NRXN3: variants seen among roughly 807,000 people sequenced by gnomAD.
The protein encoded by NRXN3 is neurexin III.
A neutral mutation model predicts 137.6 loss-of-function variants in NRXN3; 32 were observed. The observed-to-expected ratio is 0.23, with a 90% CI of 0.18 to 0.31. The LOEUF is 0.31. NRXN3 is among the 10% of genes least tolerant of loss of function. The pLI is 1.00. For synonymous variants in NRXN3, 798 were observed against 784.5 expected, an observed-to-expected ratio of 1.02 and a Z score of -0.29; for missense variants, 1,574 against 2,062.5, an observed-to-expected ratio of 0.76 and a Z score of 4.59.
chr14:79,244,462 G>A (rs147594728), intron 15 of NRXN3, among the ~76,000 whole-genome samples: 5 of 152,244 alleles, frequency 3.3e-5, no homozygotes, highest in Non-Finnish European at 5.9e-5. Context: ...ACGCGTGAAC[G>A]TTATTTATCT....
chr14:79,232,971 T>A (rs2072531274), intron 15 of NRXN3, among the ~76,000 whole-genome samples: 1 of 152,204 alleles, frequency 6.6e-6, no homozygotes, highest in Non-Finnish European at 1.5e-5. Flanking sequence ...AGACAGAGTC[T>A]AGTTAGATAA....
intron 8 of NRXN3, among the ~76,000 whole-genome samples, chr14:78,727,439 C>CT (rs2098490938): frequency 1.3e-5 from 2 of 152,108 alleles, no homozygotes; most frequent in Admixed American, 1.3e-4. Context: ...TTGTTAGTTT[C>CT]TTATCCTGTA....
intron 4 of NRXN3, among the ~76,000 whole-genome samples, chr14:78,637,784 C>A (rs1229006859): frequency 6.6e-6 from 1 of 152,184 alleles, no homozygotes; most frequent in African/African-American, 2.4e-5. Context: ...AGCAGGCATT[C>A]AAAATTTTTT....
intron 16 of NRXN3, among the ~76,000 whole-genome samples, chr14:79,614,175 T>C (rs1048941089): frequency 3.9e-5 from 6 of 152,240 alleles, no homozygotes; most frequent in African/African-American, 1.4e-4. Flanking sequence ...GCAGTTCAGC[T>C]CTGTGATGGT....
intron 16 of NRXN3, among the ~76,000 whole-genome samples, chr14:79,495,590 T>C: frequency 6.6e-6 from 1 of 152,194 alleles, no homozygotes; most frequent in South Asian, 2.1e-4. Flanking sequence ...TTATTACATG[T>C]CAGGCACTGT....
intron 15 of NRXN3, among the ~76,000 whole-genome samples, chr14:79,004,325 A>G (rs2099547780): frequency 6.6e-6 from 1 of 152,064 alleles, no homozygotes. Context: ...GGCTCACTGC[A>G]AACTCCACCT....
intron 4 of NRXN3, among the ~76,000 whole-genome samples, chr14:78,538,930 A>G (rs2153818108): frequency 6.6e-6 from 1 of 152,316 alleles, no homozygotes; most frequent in East Asian, 1.9e-4. Context: ...TGATTTGTGT[A>G]TCTTGAACCA....
At chr14:78,459,356 C>A (rs899441068) in intron 4 of NRXN3, among the ~76,000 whole-genome samples, 1 of 152,124 alleles carries the variant, frequency 6.6e-6, no homozygotes, top group African/African-American at 2.4e-5. Flanking sequence ...ATTGGCAGAG[C>A]AAATGAGGTC....
rs77415074 is a variant in NRXN3 at position 79,505,344 on chromosome 14, G to T, written c.3444+37942G>T. ...TATGGTTCCAGTTGGTGAGGGTTAG[G>T]GTTGTCATTCTGGGAGTTGGCCAGT... is the stretch of plus-strand genomic sequence containing the variant. On this transcript the variant is annotated intron_variant, in intron 16 of 20. Transcript: ENST00000335750. 9.6e-3 allele frequency among the ~76,000 whole-genome samples: 1,465 copies of T among 152,234 alleles called. 17 individuals are homozygous for T. Among genetic ancestry groups the T allele is most frequent in the African/African-American group, 0.034 (1,411 of 41,530 alleles).
intron 19 of NRXN3, 92 bp from the exon 20 acceptor site, chr14:79,805,020 A>G: frequency 1.2e-6 from 1 of 868,014 alleles, no homozygotes; most frequent in Non-Finnish European, 1.9e-6. Flanking sequence ...GGACACAGTG[A>G]TAAATCTTTG....
At chr14:78,532,184 G>C (rs941372320) in intron 4 of NRXN3, among the ~76,000 whole-genome samples, 1 of 151,100 alleles carries the variant, frequency 6.6e-6, no homozygotes, top group African/African-American at 2.4e-5. Context: ...GTGCGCGCGT[G>C]GTGGCACATG....
chr14:79,484,170 C>T (rs1276884293), intron 16 of NRXN3, among the ~76,000 whole-genome samples: 2 of 152,142 alleles, frequency 1.3e-5, no homozygotes, highest in African/African-American at 4.8e-5. Context: ...ATTCCCATTG[C>T]CCCAGCACAT....
intron 10 of NRXN3, among the ~76,000 whole-genome samples, chr14:78,942,183 A>G (rs1272855862): frequency 6.6e-6 from 1 of 152,180 alleles, no homozygotes; most frequent in Non-Finnish European, 1.5e-5. Flanking sequence ...CCCTTCAAGT[A>G]TGGATTCATC....
At chr14:79,133,793 G>A (rs1169129096) in intron 15 of NRXN3, among the ~76,000 whole-genome samples, 1 of 151,964 alleles carries the variant, frequency 6.6e-6, no homozygotes, top group East Asian at 1.9e-4. Flanking sequence ...GGTGGGCGTG[G>A]TGGTGGGCGC....
At chr14:78,972,126 C>G (rs1372271922) in intron 14 of NRXN3, among the ~76,000 whole-genome samples, 3 of 152,020 alleles carry the variant, frequency 2.0e-5, no homozygotes, top group Admixed American at 6.6e-5. Flanking sequence ...AAAATCATAC[C>G]TGATTTAATA....
chr14:79,082,056 T>C (rs959971763), intron 15 of NRXN3, among the ~76,000 whole-genome samples: 4 of 144,838 alleles, frequency 2.8e-5, no homozygotes, highest in African/African-American at 1.0e-4. Flanking sequence ...TATACATATA[T>C]ATGTTTCATA....
intron 4 of NRXN3, among the ~76,000 whole-genome samples, chr14:78,412,886 T>C (rs1598385172): frequency 6.6e-6 from 1 of 152,194 alleles, no homozygotes; most frequent in Non-Finnish European, 1.5e-5. Context: ...CTGCTGTGGG[T>C]ATTGAATGCT....
intron 16 of NRXN3, among the ~76,000 whole-genome samples, chr14:79,541,640 A>G (rs1255431255): frequency 6.6e-6 from 1 of 152,216 alleles, no homozygotes; most frequent in East Asian, 1.9e-4. Context: ...ACACTCATGT[A>G]CCTGACAAGG....
intron 4 of NRXN3, among the ~76,000 whole-genome samples, chr14:78,593,097 G>A (rs543497821): frequency 1.3e-5 from 2 of 152,108 alleles, no homozygotes; most frequent in East Asian, 1.9e-4. Flanking sequence ...TTTCCTCCTC[G>A]GTGCATGCAA....
Sources: gnomAD v4.1 joint callset for allele counts (sites outside exome capture counted in the v4.1 genomes callset) on GRCh38, gnomAD v4.1.1 for gene constraint, MANE v1.5 for transcripts, NCBI Gene and HGNC (gene_info 2026-07-23, HGNC 2026-07-21) for gene names.